The following MPC1 variants were observed in gnomAD, a reference collection of about 807,000 sequenced individuals.
MPC1 encodes HSPC040 protein.
In MPC1, 6 loss-of-function variants were observed where a neutral mutation model predicts 13.9. The ratio of observed to expected loss-of-function variants is 0.43; its 90% CI spans 0.24 to 0.85. MPC1 has a LOEUF of 0.85. Ranked by LOEUF, MPC1 falls within the 40% of genes least tolerant of loss-of-function variation. The pLI, the probability that MPC1 is intolerant of heterozygous loss-of-function variation, is 0.24. For missense variants in MPC1, 115 were observed against 143.3 expected (o/e 0.80, Z 1.01); for synonymous variants, 47 against 50.5 (o/e 0.93, Z 0.29).
intron 1 of MPC1, among the ~76,000 whole-genome samples, chr6:166,375,855 T>C (rs1245914509): frequency 6.6e-6 from 1 of 152,244 alleles, no homozygotes; most frequent in Non-Finnish European, 1.5e-5. Flanking sequence ...ATGTGTATTC[T>C]GCTGCTGTTA....
At chr6:166,371,092 T>C (rs531339525) in intron 1 of MPC1, among the ~76,000 whole-genome samples, 94 of 152,282 alleles carry the variant, frequency 6.2e-4, no homozygotes, top group African/African-American at 1.8e-3. Flanking sequence ...GGCTCTCAAA[T>C]TGGACAGCAC....
At chr6:166,368,469 G>A (rs367711976) in intron 2 of MPC1, among the ~76,000 whole-genome samples, 59 of 150,096 alleles carry the variant, frequency 3.9e-4, no homozygotes, top group African/African-American at 1.1e-3. Flanking sequence ...GCAGAGAACT[G>A]CTTGAACCCG....
chr6:166,381,400 T>C (rs1779775959), intron 1 of MPC1, among the ~76,000 whole-genome samples: 2 of 152,206 alleles, frequency 1.3e-5, no homozygotes, highest in Non-Finnish European at 2.9e-5. Context: ...AAATTCAGGA[T>C]TTAAAACTTT....
chr6:166,368,593 A>T, intron 2 of MPC1: 4 of 167,194 alleles, frequency 2.4e-5, no homozygotes, highest in Non-Finnish European at 4.8e-5. Flanking sequence ...GACAAGTTGG[A>T]GAGAAGTACA....
Position 166,366,027 on chromosome 6 carries a change from G to A in MPC1, c.252C>T (p.His84=), listed in dbSNP as rs563491884. 51 of 1,613,594 alleles carry A rather than the reference G, an allele frequency of 3.2e-5. 1 individual carries two copies. Among genetic ancestry groups the A allele is most frequent in the South Asian group, 2.0e-4 (18 of 91,056 alleles). Residue 84 remains histidine, a synonymous_variant, in exon 4 of 5, where the codon CAC becomes CAT. Transcript: ENST00000360961. Reference sequence around the variant, plus strand: ...TGAGCTGGGCTACTTCATTTGTTGCGTGGCATGCAAACAGAAGCCAGTTCC... The same window carrying A: ...TGAGCTGGGCTACTTCATTTGTTGCATGGCATGCAAACAGAAGCCAGTTCC... ...QPRNWLLFAC[H]ATNEVAQLIQ... is the part of the protein sequence containing the mutation.
chr6:166,365,421 T>A lies in MPC1; in HGVS notation c.*8A>T. On this transcript the variant is annotated 3_prime_UTR_variant, in exon 5 of 5. Coordinates refer to ENST00000360961, the MANE Select transcript of MPC1 (RefSeq NM_016098.4). This position sits in a 1 kb window ranked among gnomAD's most constrained non-coding sequence, Gnocchi z 4.2. ...TCCCTTCAAGACCTTGTTCTTCCTTTTCCATTGTTATGCAGATGCCGTTTT... is the reference window on the plus strand; with the variant it reads ...TCCCTTCAAGACCTTGTTCTTCCTTATCCATTGTTATGCAGATGCCGTTTT... 6.4e-7 allele frequency: 1 copy of A among 1,570,500 alleles called. No homozygotes were observed. Among genetic ancestry groups the A allele is most frequent in the South Asian group, 1.2e-5 (1 of 84,648 alleles).
chr6:166,375,304 G>T (rs1474024125), intron 1 of MPC1, among the ~76,000 whole-genome samples: 2 of 152,200 alleles, frequency 1.3e-5, no homozygotes. Context: ...TACAATTTAT[G>T]AATTGGTTGT....
chr6:166,371,996 A>G (rs1779398182), intron 1 of MPC1, among the ~76,000 whole-genome samples: 1 of 152,210 alleles, frequency 6.6e-6, no homozygotes, highest in African/African-American at 2.4e-5. Context: ...CAGATAGGTT[A>G]TATTATGAAA....
Position 166,366,073 on chromosome 6 carries a change from A to G in MPC1, c.206T>C (p.Phe69Ser). Reference protein sequence around the residue: ...LCCYSLTFMRFAYKVQPRNWL... With the variant: ...LCCYSLTFMRSAYKVQPRNWL... ...GTTCCGAGGCTGTACCTTGTAGGCA[A>G]ATCTCATGAATGTCAAAGAATAGCA... The change falls in exon 4 of 5, where the codon TTT (phenylalanine) becomes TCT (serine). Residue 69 changes from phenylalanine (F) to serine (S), a missense_variant. Around this residue, in one of 3 missense-constraint regions of MPC1, gnomAD observed 71 missense variants for 88.5 expected, o/e 0.80. Coordinates refer to ENST00000360961, the MANE Select transcript of MPC1 (RefSeq NM_016098.4). 1 of 1,614,078 alleles carries G rather than the reference A, an allele frequency of 6.2e-7. No individual in the cohort carries two copies. The highest frequency in any genetic ancestry group is 8.5e-7 in the Non-Finnish European group (1 of 1,179,956).
chr6:166,370,703 T>A (rs1021426679), intron 1 of MPC1, among the ~76,000 whole-genome samples: 4 of 152,062 alleles, frequency 2.6e-5, no homozygotes, highest in Non-Finnish European at 4.4e-5. Context: ...AAATATATTT[T>A]AAAAATTAGC....
At chr6:166,381,654 C>T (rs966619346) in intron 1 of MPC1, among the ~76,000 whole-genome samples, 1 of 152,122 alleles carries the variant, frequency 6.6e-6, no homozygotes, top group Non-Finnish European at 1.5e-5. Flanking sequence ...AAGCAAGCGC[C>T]CCAAGATGAG....
At chr6:166,373,058 T>C (rs1779437518) in intron 1 of MPC1, among the ~76,000 whole-genome samples, 1 of 152,136 alleles carries the variant, frequency 6.6e-6, no homozygotes, top group Admixed American at 6.5e-5. Context: ...ACCTTCCATA[T>C]ACACCCAGCC....
intron 3 of MPC1, among the ~76,000 whole-genome samples, chr6:166,366,566 T>A (rs1166887937): frequency 2.6e-5 from 4 of 152,242 alleles, no homozygotes; most frequent in African/African-American, 9.6e-5. Flanking sequence ...AGTCTTCAGT[T>A]CAGTGTGCTA....
At chr6:166,372,213 T>G (rs1779406884) in intron 1 of MPC1, among the ~76,000 whole-genome samples, 1 of 152,174 alleles carries the variant, frequency 6.6e-6, no homozygotes, top group South Asian at 2.1e-4. Context: ...TAGGTAACTA[T>G]GAATAACCAA....
chr6:166,382,872 G>A lies in MPC1; in HGVS notation c.5C>T (p.Ala2Val), dbSNP rs1779857923. The A allele has an allele frequency of 6.3e-7, 1 of 1,598,920 alleles. No individual in the cohort carries two copies. Among genetic ancestry groups the A allele is most frequent in the Non-Finnish European group, 8.5e-7 (1 of 1,174,330 alleles). ...CGCCGCTTTCCGCACCAACGCGCCC[G>A]CCATGGCTGTGCCGACACCAGACCC... M[A>V]GALVRKAADY... is the part of the protein sequence containing the mutation. Residue 2 changes from alanine to valine, a missense_variant, in exon 1 of 5, where the codon GCG becomes GTG. Coordinates refer to ENST00000360961, the MANE Select transcript of MPC1 (RefSeq NM_016098.4).
Position 166,366,132 on chromosome 6 carries a change from A to C in MPC1, c.173-26T>G, listed in dbSNP as rs754906529. On this transcript the variant is annotated intron_variant, in intron 3 of 4. Transcript: ENST00000360961. ...CTGCCAAAAATAGCAGAGCAAAGAC[A>C]ATCAATAACTTAGAAAACTGAGAGG... The C allele has an allele frequency of 2.7e-5, 43 of 1,606,942 alleles. No homozygotes were observed. The African/African-American group carries it at 5.4e-4, about 20-fold the overall frequency.
chr6:166,375,699 G>T (rs941246220), intron 1 of MPC1, among the ~76,000 whole-genome samples: 3 of 152,136 alleles, frequency 2.0e-5, no homozygotes, highest in African/African-American at 7.2e-5. Flanking sequence ...CCAAGTATCG[G>T]GGATTTTCCA....
Position 166,365,535 on chromosome 6 carries a change from A to G in MPC1, c.306-82T>C, listed in dbSNP as rs1779117625. 1 of 1,101,380 alleles carries G rather than the reference A, an allele frequency of 9.1e-7. No homozygotes were observed. The highest frequency in any genetic ancestry group is 2.6e-5 in the East Asian group (1 of 37,776). 68.2% of individuals were successfully genotyped at this position (1,101,380 alleles called of 1,614,324 possible). ...AAGGGCTTTGGATGGCTTTTAAAAG[A>G]CACCTTTACATAACATTTATTTCAA... is the stretch of plus-strand genomic sequence containing the variant. On this transcript the variant is annotated intron_variant, in intron 4 of 4. Transcript: ENST00000360961. The surrounding 1 kb of genome is among the most constrained non-coding windows in gnomAD (Gnocchi z 4.2).
intron 1 of MPC1, among the ~76,000 whole-genome samples, chr6:166,380,952 A>AG (rs1434776995): frequency 1.3e-5 from 2 of 151,380 alleles, no homozygotes; most frequent in African/African-American, 4.8e-5. Flanking sequence ...AAAAAAAAAA[A>AG]AAAAAAAAAA....
Sources: allele counts gnomAD v4.1 joint callset (sites outside exome capture counted in the v4.1 genomes callset), GRCh38; gene constraint gnomAD v4.1.1; regional missense constraint gnomAD v4.1.1; non-coding constraint Gnocchi (gnomAD v3.1); transcripts MANE v1.5; gene names NCBI Gene and HGNC (gene_info 2026-07-23, HGNC 2026-07-21).